Variants in GABBR2 observed in about 807,000 individuals in gnomAD.
GABBR2 encodes the protein gamma-aminobutyric acid type B receptor subunit 2.
A neutral mutation model predicts 105.6 loss-of-function variants in GABBR2; 23 were observed. That is an observed-to-expected ratio of 0.22 (90% CI 0.16 to 0.31). The LOEUF (loss-of-function observed/expected upper bound fraction) is 0.31. Among genes scored for constraint, GABBR2 ranks in the 10% least tolerant of loss-of-function variants. GABBR2 has a pLI of 1.00. For missense variants in GABBR2, 734 were observed against 1,245.5 expected (o/e 0.59, Z 6.18); for synonymous variants, 478 against 499.7 (o/e 0.96, Z 0.58).
chr9:98,494,466 C>T (rs1203360469), intron 4 of GABBR2, among the ~76,000 whole-genome samples: 2 of 152,302 alleles, frequency 1.3e-5, no homozygotes, highest in Admixed American at 1.3e-4. Flanking sequence ...ATTAGTGCTG[C>T]TCTCCTGGCT....
At chr9:98,479,117 C>T (rs1280794185) in intron 5 of GABBR2, among the ~76,000 whole-genome samples, 10 of 152,086 alleles carry the variant, frequency 6.6e-5, no homozygotes, top group African/African-American at 2.4e-4. Flanking sequence ...TTCTCATGGT[C>T]CTCCTTCGAT....
In GABBR2 at chr9:98,371,387, T is replaced by A. The variant is rs1831779766; in HGVS notation, c.1770+77A>T. 7 of 799,674 alleles carry A rather than the reference T, an allele frequency of 8.8e-6. No individual in the cohort carries two copies. In the Admixed American group the frequency reaches 1.4e-4, roughly 16 times the overall value. 49.5% of individuals were successfully genotyped at this position (799,674 alleles called of 1,614,324 possible). On this transcript the variant is annotated intron_variant, in intron 12 of 18. Coordinates refer to ENST00000259455, the MANE Select transcript of GABBR2 (RefSeq NM_005458.8). ...GATCCCCAGCAAATAGCTCAGTGCC[T>A]GGAATATAGTATATACTTGCTAGAT...
chr9:98,644,471 C>A (rs1380396240), intron 1 of GABBR2, among the ~76,000 whole-genome samples: 1 of 152,226 alleles, frequency 6.6e-6, no homozygotes, highest in Non-Finnish European at 1.5e-5. Flanking sequence ...TAGTGCAGGA[C>A]AGTTCTCCAG....
At chr9:98,677,574 A>C (rs1362459731) in intron 1 of GABBR2, among the ~76,000 whole-genome samples, 1 of 152,198 alleles carries the variant, frequency 6.6e-6, no homozygotes, top group African/African-American at 2.4e-5. Context: ...CTAAGAGCAG[A>C]GTTTGGAAAA....
At chr9:98,637,970 C>T (rs59069726) in intron 1 of GABBR2, among the ~76,000 whole-genome samples, 11,624 of 152,208 alleles carry the variant, frequency 0.076, 495 homozygotes, top group African/African-American at 0.095. Context: ...TTCCATTTAA[C>T]AAAAACTTAA....
chr9:98,340,894 A>G (rs1240330729), intron 13 of GABBR2, among the ~76,000 whole-genome samples: 1 of 152,274 alleles, frequency 6.6e-6, no homozygotes, highest in Non-Finnish European at 1.5e-5. Flanking sequence ...TGGCTTTAAC[A>G]AGACAAATAC....
chr9:98,410,505 C>CTTTTTTTT (rs5899341), intron 7 of GABBR2, among the ~76,000 whole-genome samples: 140 of 126,466 alleles, frequency 1.1e-3, no homozygotes, highest in Non-Finnish European at 1.7e-3. Context: ...GAGGGAAAAG[C>CTTTTTTTT]TTTTTTTTTT....
chr9:98,459,805 G>T (rs1427432074), intron 6 of GABBR2, among the ~76,000 whole-genome samples: 1 of 152,194 alleles, frequency 6.6e-6, no homozygotes, highest in Non-Finnish European at 1.5e-5. Context: ...AATAGATTGG[G>T]CCTTACAAAA....
intron 6 of GABBR2, among the ~76,000 whole-genome samples, chr9:98,459,591 G>A (rs1826388072): frequency 6.6e-6 from 1 of 152,194 alleles, no homozygotes; most frequent in East Asian, 1.9e-4. Flanking sequence ...ATTAAGACTG[G>A]CATTTTTACT....
chr9:98,325,012 C>A (rs190717048), intron 13 of GABBR2, among the ~76,000 whole-genome samples: 1 of 152,140 alleles, frequency 6.6e-6, no homozygotes, highest in African/African-American at 2.4e-5. Flanking sequence ...ACGCAACTTT[C>A]GGGCTTGAAG....
chr9:98,572,896 C>G (rs549078147), intron 2 of GABBR2, among the ~76,000 whole-genome samples: 1 of 152,194 alleles, frequency 6.6e-6, no homozygotes, highest in South Asian at 2.1e-4. Context: ...CAGTTGCAGC[C>G]GTTGATCCAG....
chr9:98,293,699 G>A, intron 18 of GABBR2, 86 bp downstream of exon 18: 1 of 729,272 alleles, frequency 1.4e-6, no homozygotes, highest in South Asian at 1.7e-5. Flanking sequence ...AATAATGGAT[G>A]TGAAAACATC....
intron 2 of GABBR2, among the ~76,000 whole-genome samples, chr9:98,566,998 T>A (rs2131769136): frequency 6.6e-6 from 1 of 152,270 alleles, no homozygotes; most frequent in East Asian, 1.9e-4. Context: ...CATTTTCAAA[T>A]TCCCTCTCCA....
intron 12 of GABBR2, among the ~76,000 whole-genome samples, chr9:98,366,910 C>G (rs962679638): frequency 3.9e-5 from 6 of 152,180 alleles, no homozygotes; most frequent in African/African-American, 1.4e-4. Context: ...AAGGTGTCAT[C>G]TCTAAATTTC....
intron 4 of GABBR2, among the ~76,000 whole-genome samples, chr9:98,482,506 G>A (rs1038393591): frequency 5.9e-5 from 9 of 152,094 alleles, no homozygotes; most frequent in East Asian, 1.9e-4. Context: ...CTGCTTGTTC[G>A]TTAAAAATTT....
chr9:98,628,680 C>T (rs1829778243), intron 1 of GABBR2, among the ~76,000 whole-genome samples: 1 of 152,144 alleles, frequency 6.6e-6, no homozygotes, highest in Non-Finnish European at 1.5e-5. Flanking sequence ...GGAAATGGAA[C>T]TTTCTCACCC....
intron 1 of GABBR2, among the ~76,000 whole-genome samples, chr9:98,654,501 A>G (rs1046884773): frequency 1.3e-5 from 2 of 152,244 alleles, no homozygotes; most frequent in South Asian, 4.1e-4. Context: ...GAGCATACAT[A>G]CTAGTGGTGA....
At chr9:98,679,180 T>C (rs1326746496) in intron 1 of GABBR2, among the ~76,000 whole-genome samples, 3 of 152,102 alleles carry the variant, frequency 2.0e-5, no homozygotes, top group Admixed American at 6.5e-5. Flanking sequence ...TCCCCAAAGA[T>C]GACGACAATT....
chr9:98,382,324 T>C (rs552973646), intron 11 of GABBR2, among the ~76,000 whole-genome samples: 22 of 151,996 alleles, frequency 1.4e-4, no homozygotes, highest in Non-Finnish European at 2.6e-4. Context: ...CCCAGTATCT[T>C]TTTTTTTGAG....
Sources: allele counts gnomAD v4.1 joint callset (sites outside exome capture counted in the v4.1 genomes callset), GRCh38; gene constraint gnomAD v4.1.1; transcripts MANE v1.5; gene names NCBI Gene and HGNC (gene_info 2026-07-23, HGNC 2026-07-21).